Variants in CLYBL observed in about 807,000 individuals in gnomAD.
CLYBL encodes the protein citramalyl-CoA lyase, also known as citramalyl-CoA lyase, mitochondrial.
In CLYBL, 31 loss-of-function variants were observed where a neutral mutation model predicts 38.9. The observed-to-expected ratio is 0.80, with a 90% CI of 0.60 to 1.08. The LOEUF (loss-of-function observed/expected upper bound fraction) is 1.08. CLYBL is among the 50% of genes least tolerant of loss of function. The pLI, the probability that CLYBL is intolerant of heterozygous loss-of-function variation, is 0.00. For synonymous variants in CLYBL, 171 were observed against 158.6 expected, an observed-to-expected ratio of 1.08 and a Z score of -0.59; for missense variants, 434 against 411.6, an observed-to-expected ratio of 1.05 and a Z score of -0.47.
chr13:99,774,995 A>G (rs1041428811), intron 2 of CLYBL, among the ~76,000 whole-genome samples: 1 of 152,184 alleles, frequency 6.6e-6, no homozygotes, highest in African/African-American at 2.4e-5. Context: ...AGGGATGACA[A>G]TATCTTCTTT....
At chr13:99,765,845 G>A (rs898969396) in intron 1 of CLYBL, among the ~76,000 whole-genome samples, 4 of 148,300 alleles carry the variant, frequency 2.7e-5, no homozygotes, top group East Asian at 4.0e-4. Context: ...GCACCAAGTC[G>A]AGTCTTTTTT....
chr13:99,636,527 C>T (rs1486319803), intron 1 of CLYBL, among the ~76,000 whole-genome samples: 1 of 152,028 alleles, frequency 6.6e-6, no homozygotes, highest in Non-Finnish European at 1.5e-5. Context: ...GGGATCTGCT[C>T]CCTGGCAGCT....
intron 1 of CLYBL, among the ~76,000 whole-genome samples, chr13:99,632,882 A>G (rs569917665): frequency 1.2e-4 from 18 of 152,364 alleles, no homozygotes; most frequent in South Asian, 1.0e-3. Context: ...TACCATAAAT[A>G]CATTCAAAGA....
At chr13:99,891,186 C>T (rs2052479633) in intron 7 of CLYBL, 132 bp from the exon 8 acceptor site, 1 of 669,966 alleles carries the variant, frequency 1.5e-6, no homozygotes, top group African/African-American at 1.8e-5. Context: ...CTTTGGCTTT[C>T]TCAAAAGTTG....
chr13:99,899,067 A>G (rs897563497), downstream of CLYBL, among the ~76,000 whole-genome samples: 1 of 152,224 alleles, frequency 6.6e-6, no homozygotes, highest in African/African-American at 2.4e-5. Context: ...AGAAGAAGCC[A>G]TTTATTCTCT....
chr13:99,891,470 G>C, intron 8 of CLYBL, 33 bp downstream of exon 8: 1 of 1,259,130 alleles, frequency 7.9e-7, no homozygotes, highest in Non-Finnish European at 1.2e-6. Context: ...GGTTCTTAAA[G>C]ACAAACCACA....
At chr13:99,667,173 G>A (rs2047494036) in intron 1 of CLYBL, among the ~76,000 whole-genome samples, 1 of 152,172 alleles carries the variant, frequency 6.6e-6, no homozygotes, top group African/African-American at 2.4e-5. Context: ...CTGGGGGACT[G>A]TCAGAAGTCA....
At chr13:99,763,569 T>C (rs928176183) in intron 1 of CLYBL, among the ~76,000 whole-genome samples, 2 of 129,622 alleles carry the variant, frequency 1.5e-5, no homozygotes, top group African/African-American at 3.0e-5. Flanking sequence ...TTTTTTTTTT[T>C]ACTAGACAGA....
intron 1 of CLYBL, among the ~76,000 whole-genome samples, chr13:99,667,756 T>C (rs1054593578): frequency 4.6e-5 from 7 of 152,210 alleles, no homozygotes; most frequent in Non-Finnish European, 1.0e-4. Flanking sequence ...CGCTCTTAAA[T>C]TTTACTAGTC....
chr13:99,679,741 G>T (rs978258309), intron 1 of CLYBL, among the ~76,000 whole-genome samples: 2 of 151,964 alleles, frequency 1.3e-5, no homozygotes, highest in Non-Finnish European at 2.9e-5. Flanking sequence ...AGGGTGGGGG[G>T]GGAAATGTCT....
downstream of CLYBL, among the ~76,000 whole-genome samples, chr13:99,901,412 G>A (rs1214029947): frequency 6.6e-6 from 1 of 152,130 alleles, no homozygotes; most frequent in East Asian, 1.9e-4. Flanking sequence ...CTTAGGCCAT[G>A]AGCTGCTTGC....
intron 2 of CLYBL, among the ~76,000 whole-genome samples, chr13:99,854,729 T>C (rs572592532): frequency 1.3e-5 from 2 of 152,256 alleles, no homozygotes; most frequent in South Asian, 2.1e-4. Context: ...ATTTTCTCCT[T>C]TAATTTCAGA....
Position 99,720,396 on chromosome 13 carries a change from T to C in CLYBL, c.63-52428T>C, listed in dbSNP as rs950771634. On this transcript the variant is annotated intron_variant, in intron 1 of 8. Transcript: ENST00000339105. ...GTTCATTTTTTTTTCAGTACTTTGT[T>C]TTAAATGAGACAACATTATAATTGA... Among the ~76,000 whole-genome samples the C allele has an allele frequency of 5.3e-5, 8 of 152,324 alleles. 1 individual carries two copies. The highest frequency in any genetic ancestry group is 1.9e-4 in the East Asian group (1 of 5,184).
intron 2 of CLYBL, among the ~76,000 whole-genome samples, chr13:99,781,250 T>A (rs564416253): frequency 1.3e-4 from 19 of 151,564 alleles, no homozygotes; most frequent in East Asian, 2.0e-4. Context: ...GGCTCACTGC[T>A]AGCTCCGCCT....
chr13:99,819,444 AT>A lies in CLYBL; in HGVS notation c.250-39416del, dbSNP rs1566340160. The stretch of plus-strand genomic sequence containing the variant: ...TATATATATATATATATATATATAT[AT>A]ATATATATATATATATATATATAAT... On this transcript the variant is annotated intron_variant, in intron 2 of 8. Coordinates refer to ENST00000339105, the MANE Select transcript of CLYBL (RefSeq NM_206808.5). 3.9e-3 allele frequency among the ~76,000 whole-genome samples: 342 copies of A among 88,668 alleles called. 15 individuals are homozygous for A. Among genetic ancestry groups the A allele is most frequent in the African/African-American group, 0.01 (282 of 26,976 alleles). The allele number at this position is 88,668 out of a possible 152,430, so 58.2% of individuals were successfully genotyped here. A position where few individuals can be genotyped will look rare whatever the true frequency, so the allele number is the denominator to read the frequency against.
intron 1 of CLYBL, among the ~76,000 whole-genome samples, chr13:99,622,907 C>T (rs936761534): frequency 6.6e-6 from 1 of 152,198 alleles, no homozygotes; most frequent in African/African-American, 2.4e-5. Context: ...TCATAGCTCA[C>T]TGTAGCCTTG....
At chr13:99,616,281 T>C (rs2046709370) in intron 1 of CLYBL, among the ~76,000 whole-genome samples, 1 of 151,872 alleles carries the variant, frequency 6.6e-6, no homozygotes. Context: ...TTCCTCAGTC[T>C]CTAGTAGCTG....
At chr13:99,620,824 GAAAGAAAGAAAGAA>G (rs377562583) in intron 1 of CLYBL, among the ~76,000 whole-genome samples, 6,184 of 132,950 alleles carry the variant, frequency 0.047, 445 homozygotes, top group African/African-American at 0.16. Context: ...GAGAGAGAGA[GAAAGAAAGAAAGAA>G]AAAGAAAGAA....
chr13:99,663,520 G>A (rs987358950), intron 1 of CLYBL, among the ~76,000 whole-genome samples: 1 of 152,054 alleles, frequency 6.6e-6, no homozygotes, highest in Non-Finnish European at 1.5e-5. Context: ...CTTTTTTGGT[G>A]TGCCCGCTGA....
Sources: gnomAD v4.1 joint callset for allele counts (sites outside exome capture counted in the v4.1 genomes callset) on GRCh38, gnomAD v4.1.1 for gene constraint, MANE v1.5 for transcripts, NCBI Gene and HGNC (gene_info 2026-07-23, HGNC 2026-07-21) for gene names.